The following MYT1L variants were observed in gnomAD, a reference collection of about 807,000 sequenced individuals.
MYT1L encodes the protein myelin transcription factor 1-like protein.
In MYT1L, 12 loss-of-function variants were observed where a neutral mutation model predicts 126.7. The observed-to-expected ratio is 0.09, with a 90% CI of 0.06 to 0.15. The LOEUF is 0.15. Among genes scored for constraint, MYT1L ranks in the 10% least tolerant of loss-of-function variants. The pLI is 1.00. For synonymous variants in MYT1L, 541 were observed against 604.2 expected (o/e 0.90, Z 1.53); for missense variants, 979 against 1,585.2 (o/e 0.62, Z 6.49).
At chr2:2,031,845 G>A (rs1377675432) in intron 4 of MYT1L, among the ~76,000 whole-genome samples, 21 of 102,548 alleles carry the variant, frequency 2.0e-4, no homozygotes, top group South Asian at 1.1e-3. Flanking sequence ...CACACCCCTC[G>A]CCAGTGCCTC....
chr2:1,909,636 T>C (rs561698323), intron 13 of MYT1L, among the ~76,000 whole-genome samples: 14 of 152,328 alleles, frequency 9.2e-5, no homozygotes, highest in South Asian at 4.1e-4. Flanking sequence ...ATCTGCGACA[T>C]TGTAACACTG....
At chr2:1,983,776 C>T (rs1280673377) in intron 5 of MYT1L, among the ~76,000 whole-genome samples, 6 of 152,178 alleles carry the variant, frequency 3.9e-5, no homozygotes, top group Admixed American at 2.6e-4. Context: ...TTACTGAACC[C>T]GTGAATGGCT....
chr2:2,198,676 G>C (rs1002117358), intron 2 of MYT1L, among the ~76,000 whole-genome samples: 2 of 151,976 alleles, frequency 1.3e-5, no homozygotes, highest in Non-Finnish European at 2.9e-5. Flanking sequence ...GACCAACATG[G>C]TGAAACCCCA....
At position 2,080,596 on chromosome 2, in the gene MYT1L, G is replaced by C. The variant is rs372300097; in HGVS notation, c.-303-26473C>G. On this transcript the variant is annotated intron_variant, in intron 3 of 24. Transcript: ENST00000647738. ...GATGCTGAACATCATTTGTCAGTTT[G>C]TCATCTGGGAAATGCAAATAAAAAC... Among the ~76,000 whole-genome samples, 6 of 152,226 alleles carry C rather than the reference G, an allele frequency of 3.9e-5. No individual in the cohort carries two copies. In the East Asian group the frequency reaches 7.7e-4, roughly 20 times the overall value.
rs2048978125 is a variant in MYT1L, at chr2:1,892,232, C to T, written c.2088G>A (p.Ala696=). 1.3e-6 allele frequency: 2 copies of T among 1,549,892 alleles called. No individual in the cohort carries two copies. The highest frequency in any genetic ancestry group is 1.2e-5 in the South Asian group (1 of 83,990). Reference sequence around the variant, plus strand: ...AGCTCAGGTTGCTGCTGCTGCTGGGCGCGTAGCTGCTGGTGCTGCTGCTGC... The same window carrying T: ...AGCTCAGGTTGCTGCTGCTGCTGGGTGCGTAGCTGCTGGTGCTGCTGCTGC... ...SPSSSSTSSY[A]PSSSSNLSCG... The change falls in exon 15 of 25, where the codon GCG becomes GCA. Residue 696 remains alanine, a synonymous_variant. Transcript: ENST00000647738.
intron 2 of MYT1L, among the ~76,000 whole-genome samples, chr2:2,221,312 T>C (rs902898694): frequency 3.9e-5 from 6 of 152,116 alleles, no homozygotes; most frequent in East Asian, 1.9e-4. Flanking sequence ...CTGGCATGGA[T>C]TGAGTCTGTG....
intron 3 of MYT1L, among the ~76,000 whole-genome samples, chr2:2,118,153 T>C (rs964562342): frequency 2.0e-5 from 3 of 150,700 alleles, no homozygotes; most frequent in African/African-American, 7.3e-5. Flanking sequence ...ATAATAATTT[T>C]TGAACATCTA....
At chr2:1,862,628 C>G (rs577971429) in intron 18 of MYT1L, among the ~76,000 whole-genome samples, 2 of 152,286 alleles carry the variant, frequency 1.3e-5, no homozygotes, top group South Asian at 4.1e-4. Flanking sequence ...ATCTAGACTT[C>G]TGTGTCAGGA....
rs2034906995 is a variant in MYT1L, at chr2:1,801,822, G to A, written c.3173-23C>T. Reference sequence around the variant, plus strand: ...TACCTGTAATAATGAATATTAGTATGTTAAAACTGTTATATACAAAAATAT... The same window carrying A: ...TACCTGTAATAATGAATATTAGTATATTAAAACTGTTATATACAAAAATAT... On this transcript the variant is annotated intron_variant, in intron 22 of 24. Coordinates refer to ENST00000647738, the MANE Select transcript of MYT1L (RefSeq NM_001303052.2). This position sits in a 1 kb window ranked among gnomAD's most constrained non-coding sequence, Gnocchi z 4.2. 7.2e-7 allele frequency: 1 copy of A among 1,396,672 alleles called. No individual in the cohort carries two copies. Among genetic ancestry groups the A allele is most frequent in the East Asian group, 2.3e-5 (1 of 43,598 alleles). 86.5% of individuals were successfully genotyped at this position (1,396,672 alleles called of 1,614,324 possible). A position where few individuals can be genotyped will look rare whatever the true frequency, so the allele number is the denominator to read the frequency against.
At chr2:1,888,680 G>A (rs532900175) in intron 16 of MYT1L, among the ~76,000 whole-genome samples, 1 of 152,290 alleles carries the variant, frequency 6.6e-6, no homozygotes, top group South Asian at 2.1e-4. Context: ...TTTGAACACT[G>A]TAGCTACTTC....
intron 18 of MYT1L, among the ~76,000 whole-genome samples, chr2:1,855,596 A>G (rs2043814246): frequency 6.6e-6 from 1 of 152,214 alleles, no homozygotes; most frequent in Non-Finnish European, 1.5e-5. Context: ...ACGAACAATA[A>G]CAGCAAGGCT....
chr2:2,188,668 T>C (rs1167406326), intron 2 of MYT1L, among the ~76,000 whole-genome samples: 1 of 152,132 alleles, frequency 6.6e-6, no homozygotes, highest in Non-Finnish European at 1.5e-5. Flanking sequence ...CTCCCTTTTT[T>C]GCCCAGGCTT....
At chr2:1,867,096 G>C (rs2045677246) in intron 18 of MYT1L, among the ~76,000 whole-genome samples, 1 of 151,620 alleles carries the variant, frequency 6.6e-6, no homozygotes, top group Admixed American at 6.6e-5. Flanking sequence ...GAGAGAGAAA[G>C]AGAGACGGAG....
chr2:1,836,961 G>A (rs1263465216), intron 21 of MYT1L, among the ~76,000 whole-genome samples: 2 of 152,224 alleles, frequency 1.3e-5, no homozygotes, highest in Admixed American at 1.3e-4. Flanking sequence ...TTGAGGTGAG[G>A]CTGGCAAGAG....
At chr2:1,798,453 G>A (rs1191841937) in intron 23 of MYT1L, among the ~76,000 whole-genome samples, 1 of 152,234 alleles carries the variant, frequency 6.6e-6, no homozygotes, top group Non-Finnish European at 1.5e-5. Flanking sequence ...TCCCATTCCA[G>A]AGAGAACATC....
chr2:1,814,358 G>A (rs1459708744), intron 21 of MYT1L, among the ~76,000 whole-genome samples: 2 of 152,158 alleles, frequency 1.3e-5, no homozygotes, highest in South Asian at 4.1e-4. Context: ...TGCCTTCCTC[G>A]AATCCCCTGC....
At chr2:2,216,889 T>C (rs2093692097) in intron 2 of MYT1L, among the ~76,000 whole-genome samples, 2 of 152,008 alleles carry the variant, frequency 1.3e-5, no homozygotes, top group Non-Finnish European at 2.9e-5. Context: ...GAACAAAAAT[T>C]ATGAGCCACT....
intron 8 of MYT1L, among the ~76,000 whole-genome samples, chr2:1,962,409 G>A (rs115683285): frequency 0.017 from 2,532 of 152,252 alleles, 69 homozygotes; most frequent in African/African-American, 0.057. Context: ...ACGATCAACC[G>A]AGCCTTCAGG....
chr2:2,124,705 A>G (rs1178617359), intron 3 of MYT1L, among the ~76,000 whole-genome samples: 2 of 152,212 alleles, frequency 1.3e-5, no homozygotes, highest in Admixed American at 6.5e-5. Flanking sequence ...CCAGGATACT[A>G]TTTCCATTAT....
Sources: gnomAD v4.1 joint callset for allele counts (sites outside exome capture counted in the v4.1 genomes callset) on GRCh38, gnomAD v4.1.1 for gene constraint, Gnocchi (gnomAD v3.1) non-coding constraint, MANE v1.5 for transcripts, NCBI Gene and HGNC (gene_info 2026-07-23, HGNC 2026-07-21) for gene names.